The following CAMTA1 variants were observed in gnomAD, a reference collection of about 807,000 sequenced individuals.
The protein encoded by CAMTA1 is calmodulin binding transcription activator 1.
A neutral mutation model predicts 170.9 loss-of-function variants in CAMTA1; 27 were observed. The ratio of observed to expected loss-of-function variants is 0.16; its 90% CI spans 0.12 to 0.22. CAMTA1 has a LOEUF of 0.22. CAMTA1 is among the 10% of genes least tolerant of loss of function. The pLI, the probability that CAMTA1 is intolerant of heterozygous loss-of-function variation, is 1.00. For synonymous variants in CAMTA1, 833 were observed against 891.5 expected (o/e 0.93, Z 1.17); for missense variants, 1,619 against 2,217.2 (o/e 0.73, Z 5.42).
intron 6 of CAMTA1, among the ~76,000 whole-genome samples, chr1:7,556,666 C>G (rs1390469847): frequency 7.2e-5 from 11 of 152,134 alleles, no homozygotes; most frequent in Admixed American, 7.2e-4. Flanking sequence ...TGGCCTCTTG[C>G]AGGTGTGGAA....
chr1:7,455,679 C>T lies in CAMTA1; in HGVS notation c.439-12151C>T, dbSNP rs1160556616. On this transcript the variant is annotated intron_variant, in intron 5 of 22. Coordinates refer to ENST00000303635, the MANE Select transcript of CAMTA1 (RefSeq NM_015215.4). This position sits in a 1 kb window ranked among gnomAD's most constrained non-coding sequence, Gnocchi z 5.0. The stretch of plus-strand genomic sequence containing the variant: ...TGGCGTCACAGGTGCCTAGAGCGGG[C>T]GGCGCTGGGGAGCTGGATGCCAGCA... 1.3e-5 allele frequency among the ~76,000 whole-genome samples: 2 copies of T among 152,224 alleles called. No individual in the cohort carries two copies. The highest frequency in any genetic ancestry group is 1.9e-4 in the East Asian group (1 of 5,192).
Position 7,588,454 on chromosome 1 carries a change from G to A in CAMTA1, c.511-51946G>A, listed in dbSNP as rs1476827802. On this transcript the variant is annotated intron_variant, in intron 6 of 22. Transcript: ENST00000303635. The surrounding 1 kb of genome is among the most constrained non-coding windows in gnomAD (Gnocchi z 5.8). ...CTACACTAACGCCTCTGCAAGCATC[G>A]TTTTATCAAAACCCTCACCATTGCC... Among the ~76,000 whole-genome samples the A allele has an allele frequency of 2.0e-5, 3 of 152,208 alleles. No individual in the cohort carries two copies. The highest frequency in any genetic ancestry group is 2.1e-4 in the South Asian group (1 of 4,830).
chr1:7,406,730 C>T lies in CAMTA1; in HGVS notation c.439-61100C>T, dbSNP rs1199287214. Among the ~76,000 whole-genome samples the T allele has an allele frequency of 8.5e-5, 13 of 152,236 alleles. No homozygotes were observed. The East Asian group carries it at 1.2e-3, about 14-fold the overall frequency. ...GTAAAGGGGACTACTTCCTAAGGCC[C>T]CTGGGCCTGGGCGGCGGCTCTACCC... On this transcript the variant is annotated intron_variant, in intron 5 of 22. Transcript: ENST00000303635.
chr1:6,933,509 C>T (rs1684784362), intron 3 of CAMTA1, among the ~76,000 whole-genome samples: 1 of 152,172 alleles, frequency 6.6e-6, no homozygotes, highest in Non-Finnish European at 1.5e-5. Context: ...ATCTGCCCAC[C>T]TTGGCCTCCC....
chr1:7,092,765 G>T lies in CAMTA1; in HGVS notation c.302+1394G>T, dbSNP rs1363689225. 1.3e-5 allele frequency among the ~76,000 whole-genome samples: 2 copies of T among 152,220 alleles called. No individual in the cohort carries two copies. The highest frequency in any genetic ancestry group is 4.8e-5 in the African/African-American group (2 of 41,452). On this transcript the variant is annotated intron_variant, in intron 4 of 22. Transcript: ENST00000303635. This position sits in a 1 kb window ranked among gnomAD's most constrained non-coding sequence, Gnocchi z 5.0. Reference sequence around the variant, plus strand: ...GTCTGTGGGCTGCCTGTGGCTTTGGGTTGAGGTCAGGTCTGCTGTGTGCAT... The same window carrying T: ...GTCTGTGGGCTGCCTGTGGCTTTGGTTTGAGGTCAGGTCTGCTGTGTGCAT...
intron 3 of CAMTA1, among the ~76,000 whole-genome samples, chr1:6,953,864 G>C (rs997709174): frequency 6.6e-6 from 1 of 152,070 alleles, no homozygotes; most frequent in African/African-American, 2.4e-5. Flanking sequence ...GTGGAAGTCC[G>C]TGAAACGACG....
At chr1:7,395,417 C>T (rs1030721357) in intron 5 of CAMTA1, among the ~76,000 whole-genome samples, 1 of 152,064 alleles carries the variant, frequency 6.6e-6, no homozygotes, top group Non-Finnish European at 1.5e-5. Context: ...CTATTCTGTT[C>T]CATTCGTCTA....
chr1:7,569,349 AC>A (rs1467875227), intron 6 of CAMTA1, among the ~76,000 whole-genome samples: 6 of 147,710 alleles, frequency 4.1e-5, no homozygotes, highest in African/African-American at 1.3e-4. Context: ...CATCATCATC[AC>A]TACCACCATC....
At chr1:7,645,204 T>C (rs2095794600) in intron 7 of CAMTA1, among the ~76,000 whole-genome samples, 2 of 152,226 alleles carry the variant, frequency 1.3e-5, no homozygotes. Flanking sequence ...GCTTCTGTCC[T>C]GCCAAGCTGG....
rs1170292297 is a variant in CAMTA1 at position 6,849,863 on chromosome 1, C to T, written c.234+24653C>T. On this transcript the variant is annotated intron_variant, in intron 3 of 22. Transcript: ENST00000303635. ...TGGCCTGGCCAACATGGCAAAACCC[C>T]GTCTCTACTAAAAATACAAAAATTA... 2.7e-5 allele frequency among the ~76,000 whole-genome samples: 4 copies of T among 147,230 alleles called. No homozygotes were observed. The East Asian group carries it at 6.4e-4, about 23-fold the overall frequency.
chr1:7,739,738 G>A (rs913895920), intron 16 of CAMTA1, among the ~76,000 whole-genome samples: 4 of 152,186 alleles, frequency 2.6e-5, no homozygotes, highest in Admixed American at 2.6e-4. Context: ...CCACCCCCGT[G>A]ATTCAGTTAT....
chr1:7,134,544 G>A (rs1645439762), intron 4 of CAMTA1, among the ~76,000 whole-genome samples: 1 of 152,114 alleles, frequency 6.6e-6, no homozygotes, highest in Non-Finnish European at 1.5e-5. Context: ...CTGGGCTCAA[G>A]TGATCCTTCC....
In CAMTA1 at chr1:7,665,208, C is replaced by T. The variant is rs773368620; in HGVS notation, c.2652+9C>T. On this transcript the variant is annotated intron_variant, in intron 9 of 22. Coordinates refer to ENST00000303635, the MANE Select transcript of CAMTA1 (RefSeq NM_015215.4). The surrounding 1 kb of genome is among the most constrained non-coding windows in gnomAD (Gnocchi z 4.3). ...AGTGGTCTTACCCAGAGGTAAGCTG[C>T]CGCCGCTGCCACCACCTGTCACCTC... 7.0e-6 allele frequency: 10 copies of T among 1,431,248 alleles called. No individual in the cohort carries two copies. The highest frequency in any genetic ancestry group is 1.4e-5 in the African/African-American group (1 of 69,856). 88.7% of individuals were successfully genotyped at this position (1,431,248 alleles called of 1,614,324 possible). A position where few individuals can be genotyped will look rare whatever the true frequency, so the allele number is the denominator to read the frequency against.
At chr1:7,607,399 G>GTGGATGGATGGATGGA (rs146308752) in intron 6 of CAMTA1, among the ~76,000 whole-genome samples, 5 of 144,174 alleles carry the variant, frequency 3.5e-5, no homozygotes, top group African/African-American at 1.3e-4. Context: ...AGGTGGACTG[G>GTGGATGGATGGATGGA]TGGATGGATG....
In CAMTA1 at chr1:7,565,237, C is replaced by T. The variant is rs973254232; in HGVS notation, c.511-75163C>T. ...TCCCTCCTCATTCCCCGGAGAAGCA[C>T]CCAGAGAGATGTAGCTGCCATAAAG... On this transcript the variant is annotated intron_variant, in intron 6 of 22. Transcript: ENST00000303635. This position sits in a 1 kb window ranked among gnomAD's most constrained non-coding sequence, Gnocchi z 4.5. Among the ~76,000 whole-genome samples the T allele has an allele frequency of 2.6e-5, 4 of 152,148 alleles. No homozygotes were observed. Among genetic ancestry groups the T allele is most frequent in the Admixed American group, 6.5e-5 (1 of 15,286 alleles).
intron 4 of CAMTA1, among the ~76,000 whole-genome samples, chr1:7,182,195 A>C (rs961459636): frequency 6.6e-6 from 1 of 152,110 alleles, no homozygotes; most frequent in Non-Finnish European, 1.5e-5. Flanking sequence ...CAGTATACAC[A>C]AGAAAAACTC....
Position 6,921,056 on chromosome 1 carries a change from GA to G in CAMTA1, c.234+95847del, listed in dbSNP as rs571427346. On this transcript the variant is annotated intron_variant, in intron 3 of 22. Coordinates refer to ENST00000303635, the MANE Select transcript of CAMTA1 (RefSeq NM_015215.4). The stretch of plus-strand genomic sequence containing the variant: ...GCTTGAATTTCTCCTCAGAAAATGG[GA>G]TTTTCTTTTCAATTGCATTGCAAAT... Among the ~76,000 whole-genome samples, 213 of 152,308 alleles carry G rather than the reference GA, an allele frequency of 1.4e-3. 1 individual carries two copies. Among genetic ancestry groups the G allele is most frequent in the Non-Finnish European group, 2.7e-3 (181 of 68,016 alleles).
intron 5 of CAMTA1, among the ~76,000 whole-genome samples, chr1:7,324,217 T>TATGGTG (rs1678922031): frequency 6.6e-6 from 1 of 152,244 alleles, no homozygotes; most frequent in South Asian, 2.1e-4. Context: ...TCCTCTTGAA[T>TATGGTG]ATTTCATCAA....
At chr1:7,660,398 T>C (rs1387934149) in intron 7 of CAMTA1, among the ~76,000 whole-genome samples, 1 of 152,010 alleles carries the variant, frequency 6.6e-6, no homozygotes, top group East Asian at 1.9e-4. Flanking sequence ...AATATCCAAG[T>C]GTAGTGACAC....
Sources: gnomAD v4.1 joint callset for allele counts (sites outside exome capture counted in the v4.1 genomes callset) on GRCh38, gnomAD v4.1.1 for gene constraint, Gnocchi (gnomAD v3.1) non-coding constraint, MANE v1.5 for transcripts, NCBI Gene and HGNC (gene_info 2026-07-23, HGNC 2026-07-21) for gene names.